RPS6KA2: variants seen among roughly 807,000 people sequenced by gnomAD.
RPS6KA2 encodes ribosomal protein S6 kinase A2, also known as ribosomal protein S6 kinase alpha-2.
In RPS6KA2, 42 loss-of-function variants were observed where a neutral mutation model predicts 91.8. That is an observed-to-expected ratio of 0.46 (90% confidence interval 0.36 to 0.59). The LOEUF (loss-of-function observed/expected upper bound fraction) is 0.59. Ranked by LOEUF, RPS6KA2 falls within the 20% of genes least tolerant of loss-of-function variation. The pLI, the probability that RPS6KA2 is intolerant of heterozygous loss-of-function variation, is 0.00. For synonymous variants in RPS6KA2, 414 were observed against 393.6 expected, an observed-to-expected ratio of 1.05 and a Z score of -0.61; for missense variants, 798 against 978.5, an observed-to-expected ratio of 0.82 and a Z score of 2.46.
In RPS6KA2 at chr6:166,784,226, CGCA is replaced by C. The variant is rs1778859896; in HGVS notation, c.123+73971_123+73973del. Among the ~76,000 whole-genome samples the C allele has an allele frequency of 6.0e-3, 7 of 1,158 alleles. 3 individuals are homozygous for C. Among genetic ancestry groups the C allele is most frequent in the South Asian group, 1 (2 of 2 alleles). The allele number at this position is 1,158 out of a possible 152,430, so 0.8% of individuals were successfully genotyped here. A position where few individuals can be genotyped will look rare whatever the true frequency, so the allele number is the denominator to read the frequency against. On this transcript the variant is annotated intron_variant, in intron 2 of 21. Coordinates refer to the RPS6KA2 transcript ENST00000503859. ...CCACATATGCACACGTGCACACCTA[CGCA>C]TAACCACATATGCACACGTGCACAC... is the stretch of plus-strand genomic sequence containing the variant.
chr6:166,801,131 G>A (rs1779354863), intron 2 of RPS6KA2, among the ~76,000 whole-genome samples: 1 of 152,102 alleles, frequency 6.6e-6, no homozygotes, highest in Admixed American at 6.5e-5. Context: ...GGAGTTTTGT[G>A]GTGATTTAAT....
In RPS6KA2 at chr6:166,626,631, C is replaced by A. The variant is rs1041173986; in HGVS notation, c.99+290G>T. On this transcript the variant is annotated intron_variant, in intron 1 of 20. Transcript: ENST00000265678. The surrounding 1 kb of genome is among the most constrained non-coding windows in gnomAD (Gnocchi z 4.1). Reference sequence around the variant, plus strand: ...CCTCCTCACCCGGGGCTCCCTGTGGCCCACAGGGGACCATCCCACACCCCG... The same window carrying A: ...CCTCCTCACCCGGGGCTCCCTGTGGACCACAGGGGACCATCCCACACCCCG... 2.6e-5 allele frequency among the ~76,000 whole-genome samples: 4 copies of A among 152,176 alleles called. No individual in the cohort carries two copies. Among genetic ancestry groups the A allele is most frequent in the Non-Finnish European group, 5.9e-5 (4 of 68,016 alleles).
intron 17 of RPS6KA2, among the ~76,000 whole-genome samples, chr6:166,421,457 G>GT (rs1419305991): frequency 6.6e-6 from 1 of 152,132 alleles, no homozygotes; most frequent in East Asian, 1.9e-4. Context: ...AAGACAAAAG[G>GT]TACCTACCCC....
intron 3 of RPS6KA2, among the ~76,000 whole-genome samples, chr6:166,515,056 T>C (rs955785902): frequency 2.5e-4 from 38 of 152,140 alleles, no homozygotes; most frequent in African/African-American, 8.9e-4. Flanking sequence ...CACTGGAGGA[T>C]ATGTAGGATG....
At chr6:166,422,167 T>G (rs1296161200) in intron 17 of RPS6KA2, among the ~76,000 whole-genome samples, 1 of 152,224 alleles carries the variant, frequency 6.6e-6, no homozygotes, top group African/African-American at 2.4e-5. Context: ...CCCAAAGTGC[T>G]GGGATTACAG....
At chr6:166,451,359 G>GTGCA (rs1779912791) in intron 12 of RPS6KA2, 126 bp from the exon 13 acceptor site, 1 of 1,012,754 alleles carries the variant, frequency 9.9e-7, no homozygotes, top group African/African-American at 1.6e-5. Context: ...GTGTGTGTGT[G>GTGCA]CACGTGGCGT....
intron 1 of RPS6KA2, among the ~76,000 whole-genome samples, chr6:166,605,468 C>T (rs185681430): frequency 1.1e-4 from 17 of 152,234 alleles, no homozygotes; most frequent in East Asian, 5.8e-4. Context: ...ATTATGTTAT[C>T]GGGATTGATA....
chr6:166,467,722 C>A (rs1780598125), intron 11 of RPS6KA2, among the ~76,000 whole-genome samples: 2 of 152,174 alleles, frequency 1.3e-5, no homozygotes, highest in African/African-American at 2.4e-5. Flanking sequence ...TCCATCTGTC[C>A]CCTGCTGCAT....
At chr6:166,514,198 T>C (rs2128484399) in intron 3 of RPS6KA2, among the ~76,000 whole-genome samples, 1 of 152,304 alleles carries the variant, frequency 6.6e-6, no homozygotes, top group Non-Finnish European at 1.5e-5. Flanking sequence ...CCCCACCTCT[T>C]CTCCTGGCCC....
At chr6:166,847,006 A>G (rs1361188347) in intron 2 of RPS6KA2, among the ~76,000 whole-genome samples, 1 of 152,148 alleles carries the variant, frequency 6.6e-6, no homozygotes, top group African/African-American at 2.4e-5. Flanking sequence ...GACAATACCT[A>G]AAAAAACCTA....
rs1201410957 is a variant in RPS6KA2, at chr6:166,726,547, G to A, written c.123+131653C>T. Among the ~76,000 whole-genome samples, 1 of 152,190 alleles carries A rather than the reference G, an allele frequency of 6.6e-6. No individual in the cohort carries two copies. The highest frequency in any genetic ancestry group is 1.5e-5 in the Non-Finnish European group (1 of 68,048). On this transcript the variant is annotated intron_variant, in intron 2 of 21. Transcript: ENST00000503859. This position sits in a 1 kb window ranked among gnomAD's most constrained non-coding sequence, Gnocchi z 4.4. ...ATCCTGCCGCCCATGTCAGACACAC[G>A]TCCCTTGCATGAAGAACTTAAGACG...
chr6:166,588,908 T>C (rs928529040), intron 1 of RPS6KA2, among the ~76,000 whole-genome samples: 1 of 152,102 alleles, frequency 6.6e-6, no homozygotes, highest in African/African-American at 2.4e-5. Context: ...AGCAAGTAGA[T>C]GGAAAAGGAA....
intron 2 of RPS6KA2, among the ~76,000 whole-genome samples, chr6:166,649,479 G>T (rs1787781607): frequency 6.6e-6 from 1 of 152,178 alleles, no homozygotes; most frequent in African/African-American, 2.4e-5. Context: ...AAACAAATGA[G>T]CATGGTGCTG....
intron 2 of RPS6KA2, among the ~76,000 whole-genome samples, chr6:166,774,643 T>C (rs1778565889): frequency 6.6e-6 from 1 of 152,110 alleles, no homozygotes; most frequent in African/African-American, 2.4e-5. Flanking sequence ...CAGCCCCAAT[T>C]TCCCTGTTTG....
At chr6:166,647,804 A>G (rs989568657) in intron 2 of RPS6KA2, among the ~76,000 whole-genome samples, 18 of 132,928 alleles carry the variant, frequency 1.4e-4, no homozygotes, top group Non-Finnish European at 2.3e-4. Context: ...TTACACACAT[A>G]CATACACACA....
At chr6:166,842,554 C>T (rs1307519845) in intron 2 of RPS6KA2, among the ~76,000 whole-genome samples, 12 of 152,202 alleles carry the variant, frequency 7.9e-5, no homozygotes, top group African/African-American at 2.7e-4. Context: ...ATTTAAGCTG[C>T]CCGGTGCATG....
intron 2 of RPS6KA2, among the ~76,000 whole-genome samples, chr6:166,729,341 A>G (rs1429005874): frequency 6.6e-6 from 1 of 152,124 alleles, no homozygotes; most frequent in Non-Finnish European, 1.5e-5. Context: ...ATTGCTCAGG[A>G]TGTTATTTCT....
intron 2 of RPS6KA2, among the ~76,000 whole-genome samples, chr6:166,841,390 A>C (rs1254584700): frequency 6.6e-6 from 1 of 152,264 alleles, no homozygotes; most frequent in Non-Finnish European, 1.5e-5. Flanking sequence ...GAGCCAGGCA[A>C]AGTGCGTGCT....
At chr6:166,614,080 C>A (rs1034272899) in intron 1 of RPS6KA2, among the ~76,000 whole-genome samples, 7 of 152,248 alleles carry the variant, frequency 4.6e-5, no homozygotes, top group Admixed American at 4.6e-4. Flanking sequence ...GCCCCACACC[C>A]TCTAGGGGCC....
Sources: gnomAD v4.1 joint callset for allele counts (sites outside exome capture counted in the v4.1 genomes callset) on GRCh38, gnomAD v4.1.1 for gene constraint, Gnocchi (gnomAD v3.1) non-coding constraint, MANE v1.5 for transcripts, NCBI Gene and HGNC (gene_info 2026-07-23, HGNC 2026-07-21) for gene names.